Variants in GRIK1 observed in about 807,000 individuals in gnomAD.
The protein encoded by GRIK1 is glutamate ionotropic receptor kainate type subunit 1.
Under a neutral mutation model 105.7 loss-of-function variants are expected in GRIK1, and 69 were observed. The ratio of observed to expected loss-of-function variants is 0.65; its 90% CI spans 0.54 to 0.80. The LOEUF (loss-of-function observed/expected upper bound fraction) is 0.80. Ranked by LOEUF, GRIK1 falls within the 30% of genes least tolerant of loss-of-function variation. The probability of loss-of-function intolerance (pLI) is 0.00; values close to 1 mark genes in which losing one functional copy is unlikely to be tolerated. For missense variants in GRIK1, 1,109 were observed against 1,167.3 expected (o/e 0.95, Z 0.73); for synonymous variants, 438 against 431.3 (o/e 1.02, Z -0.19).
intron 1 of GRIK1, among the ~76,000 whole-genome samples, chr21:29,755,900 G>A (rs1246282174): frequency 1.3e-5 from 2 of 152,152 alleles, no homozygotes; most frequent in Admixed American, 6.5e-5. Context: ...TTTACCAGGA[G>A]CTGGCTTAGG....
At chr21:29,713,535 T>A (rs918682984) in intron 1 of GRIK1, among the ~76,000 whole-genome samples, 40 of 152,180 alleles carry the variant, frequency 2.6e-4, no homozygotes, top group African/African-American at 9.4e-4. Context: ...GTGGAAACAA[T>A]CTTTGTTTTT....
intron 1 of GRIK1, among the ~76,000 whole-genome samples, chr21:29,915,537 A>T (rs2070965995): frequency 6.6e-6 from 1 of 151,968 alleles, no homozygotes; most frequent in African/African-American, 2.4e-5. Context: ...ACAGGAAGGG[A>T]ACAATTTCTC....
intron 7 of GRIK1, among the ~76,000 whole-genome samples, chr21:29,634,139 T>G (rs2062345967): frequency 1.3e-5 from 2 of 152,130 alleles, no homozygotes; most frequent in South Asian, 4.1e-4. Context: ...AAAACCCCAC[T>G]CCATAGTGAC....
chr21:29,899,199 C>T (rs457531), intron 1 of GRIK1, among the ~76,000 whole-genome samples: 33,659 of 152,154 alleles, frequency 0.22, 4,247 homozygotes, highest in African/African-American at 0.34. Flanking sequence ...GCATTAACAA[C>T]ACCTAAATTT....
Position 29,636,907 on chromosome 21 carries a change from T to G in GRIK1, c.1098+5919A>C, listed in dbSNP as rs547836961. ...TTCCAATTGTCTTTCCACATTTACT[T>G]AAACATATTTTTCACTGCTTCCACA... On this transcript the variant is annotated intron_variant, in intron 7 of 17. Coordinates refer to ENST00000327783, the MANE Select transcript of GRIK1 (RefSeq NM_001330994.2). 2.7e-4 allele frequency among the ~76,000 whole-genome samples: 41 copies of G among 152,314 alleles called. No individual in the cohort carries two copies. The South Asian group carries it at 8.5e-3, about 32-fold the overall frequency.
intron 1 of GRIK1, among the ~76,000 whole-genome samples, chr21:29,807,588 C>G (rs2066900428): frequency 6.6e-6 from 1 of 151,950 alleles, no homozygotes; most frequent in Admixed American, 6.6e-5. Flanking sequence ...AGGATCTGCT[C>G]TATGGTGACA....
chr21:29,800,316 C>A (rs891038381), intron 1 of GRIK1, among the ~76,000 whole-genome samples: 2 of 152,126 alleles, frequency 1.3e-5, no homozygotes, highest in African/African-American at 2.4e-5. Context: ...AGTGATTTTA[C>A]AAATCGAAAG....
At chr21:29,920,101 TTGCCTACTC>T (rs2071141876) in intron 1 of GRIK1, among the ~76,000 whole-genome samples, 1 of 152,090 alleles carries the variant, frequency 6.6e-6, no homozygotes, top group Non-Finnish European at 1.5e-5. Flanking sequence ...TTCCCAGAAA[TTGCCTACTC>T]TGCTTCTTTG....
At chr21:29,764,544 A>C (rs1434545106) in intron 1 of GRIK1, among the ~76,000 whole-genome samples, 1 of 152,216 alleles carries the variant, frequency 6.6e-6, no homozygotes, top group East Asian at 1.9e-4. Context: ...TTCAAAGGAA[A>C]CACCACTAAC....
chr21:29,765,170 A>G (rs1300803087), intron 1 of GRIK1, among the ~76,000 whole-genome samples: 3 of 152,216 alleles, frequency 2.0e-5, no homozygotes, highest in African/African-American at 7.2e-5. Context: ...AGTCTAATAT[A>G]GTGCCAAGAA....
chr21:29,849,960 C>T (rs1453281797), intron 1 of GRIK1, among the ~76,000 whole-genome samples: 1 of 152,178 alleles, frequency 6.6e-6, no homozygotes, highest in East Asian at 1.9e-4. Context: ...GAGATACTCT[C>T]TCTCACCCTC....
chr21:29,693,827 C>G (rs1334283502), intron 2 of GRIK1, 69 bp downstream of exon 2: 1 of 1,186,188 alleles, frequency 8.4e-7, no homozygotes, highest in Middle Eastern at 2.0e-4. Context: ...GGGCAGGTAG[C>G]AAAAAGAAGG....
chr21:29,596,341 A>G, intron 9 of GRIK1, 185 bp downstream of exon 9: 1 of 717,154 alleles, frequency 1.4e-6, no homozygotes, highest in Non-Finnish European at 2.6e-6. Context: ...CCTGTTTTCA[A>G]TTCACAGGTG....
intron 1 of GRIK1, among the ~76,000 whole-genome samples, chr21:29,712,998 G>A (rs2064094832): frequency 6.6e-6 from 1 of 151,888 alleles, no homozygotes; most frequent in Admixed American, 6.6e-5. Flanking sequence ...TGACAGCTGA[G>A]TGTTTCAACA....
At chr21:29,578,078 C>T (rs1203009973) in intron 13 of GRIK1, among the ~76,000 whole-genome samples, 1 of 152,168 alleles carries the variant, frequency 6.6e-6, no homozygotes, top group African/African-American at 2.4e-5. Flanking sequence ...TCAAACTCAG[C>T]AGCAGAATTA....
At chr21:29,671,249 T>G (rs1035308771) in intron 4 of GRIK1, among the ~76,000 whole-genome samples, 2 of 151,632 alleles carry the variant, frequency 1.3e-5, no homozygotes, top group Non-Finnish European at 2.9e-5. Context: ...CAGCCTCCCA[T>G]GTAGCTGGGA....
intron 4 of GRIK1, among the ~76,000 whole-genome samples, chr21:29,655,491 CTAAG>C (rs2062831677): frequency 6.6e-6 from 1 of 152,116 alleles, no homozygotes; most frequent in Non-Finnish European, 1.5e-5. Context: ...TTCCCACTGC[CTAAG>C]TGTCTGAGCC....
chr21:29,680,134 A>G (rs752555966), intron 3 of GRIK1, among the ~76,000 whole-genome samples: 2 of 152,228 alleles, frequency 1.3e-5, no homozygotes, highest in Non-Finnish European at 2.9e-5. Flanking sequence ...ATACTCAAAA[A>G]GACATCTTAA....
At chr21:29,554,886 A>T (rs949871706) in intron 16 of GRIK1, among the ~76,000 whole-genome samples, 166 bp downstream of exon 16, 1 of 152,164 alleles carries the variant, frequency 6.6e-6, no homozygotes, top group Non-Finnish European at 1.5e-5. Context: ...TGCAGTGCCC[A>T]CAGCACCTGG....
Sources: gnomAD v4.1 joint callset for allele counts (sites outside exome capture counted in the v4.1 genomes callset) on GRCh38, gnomAD v4.1.1 for gene constraint, MANE v1.5 for transcripts, NCBI Gene and HGNC (gene_info 2026-07-23, HGNC 2026-07-21) for gene names.